TBC1D8: variants seen among roughly 807,000 people sequenced by gnomAD.
TBC1D8 encodes TBC1 domain family member 8.
A neutral mutation model predicts 118.8 loss-of-function variants in TBC1D8; 65 were observed. The observed-to-expected ratio is 0.55, with a 90% CI of 0.45 to 0.67. The LOEUF (loss-of-function observed/expected upper bound fraction) is 0.67. TBC1D8 is among the 30% of genes least tolerant of loss of function. The probability of loss-of-function intolerance (pLI) is 0.00; values close to 1 mark genes in which losing one functional copy is unlikely to be tolerated. For synonymous variants in TBC1D8, 566 were observed against 595.8 expected (o/e 0.95, Z 0.73); for missense variants, 1,376 against 1,471.2 (o/e 0.94, Z 1.06).
chr2:101,018,996 A>G, intron 17 of TBC1D8: 1 of 1,612,194 alleles, frequency 6.2e-7, no homozygotes, highest in East Asian at 2.2e-5. Context: ...TTTCTGTGCT[A>G]GTTTCTGTGC....
At chr2:101,130,761 A>G (rs1489344595) in intron 1 of TBC1D8, among the ~76,000 whole-genome samples, 1 of 152,202 alleles carries the variant, frequency 6.6e-6, no homozygotes, top group East Asian at 1.9e-4. Flanking sequence ...AGTTTTGTTC[A>G]CTGCTACATC....
chr2:101,066,810 T>C (rs540636740), intron 2 of TBC1D8, among the ~76,000 whole-genome samples: 2 of 152,170 alleles, frequency 1.3e-5, no homozygotes, highest in Middle Eastern at 3.4e-3. Context: ...CCAGATGTGG[T>C]GGCATGCACC....
chr2:101,056,600 T>C (rs1038779062), intron 3 of TBC1D8, among the ~76,000 whole-genome samples: 21 of 152,210 alleles, frequency 1.4e-4, no homozygotes, highest in African/African-American at 4.8e-4. Context: ...TAACAAGACA[T>C]TATACATTAA....
chr2:101,096,204 G>A (rs909111721), intron 1 of TBC1D8, among the ~76,000 whole-genome samples: 2 of 152,004 alleles, frequency 1.3e-5, no homozygotes, highest in Non-Finnish European at 1.5e-5. Flanking sequence ...GATCACAGGC[G>A]TGAGCCACAG....
chr2:101,088,168 G>A (rs1384349855), intron 2 of TBC1D8, among the ~76,000 whole-genome samples: 3 of 152,184 alleles, frequency 2.0e-5, no homozygotes, highest in Non-Finnish European at 4.4e-5. Context: ...GTCTTAGAAA[G>A]TTATCTGGGC....
At position 101,007,962 on chromosome 2, in the gene TBC1D8, A is replaced by G. The variant is rs1053486884; in HGVS notation, c.3327T>C (p.Thr1109=). 1 of 1,614,074 alleles carries G rather than the reference A, an allele frequency of 6.2e-7. No homozygotes were observed. ...SLEHILASLL[T]EQSLVNFFEK... ...CAAAAAAGTTGACTAATGACTGTTCAGTCAGAAGTGAAGCTAAAATATGTT... is the reference window on the plus strand; with the variant it reads ...CAAAAAAGTTGACTAATGACTGTTCGGTCAGAAGTGAAGCTAAAATATGTT... Residue 1109 remains threonine, a synonymous_variant, in exon 20 of 20, where the codon ACT becomes ACC. Coordinates refer to ENST00000409318, the MANE Select transcript of TBC1D8 (RefSeq NM_001330348.2).
intron 18 of TBC1D8, 103 bp from the exon 19 acceptor site, chr2:101,011,129 C>A: frequency 9.0e-7 from 1 of 1,106,396 alleles, no homozygotes. Context: ...AGGAATTCCA[C>A]TAAGCAAATT....
Position 101,090,260 on chromosome 2 carries a change from C to T in TBC1D8, c.232G>A (p.Ala78Thr). ...GATCCATTCAGTAACTCACCACATG[C>T]TATGGGAGAATAAACCTGGGAGCCG... is the stretch of plus-strand genomic sequence containing the variant. ...VPGSQVYSPI[A>T]CGELLNGSDV... The change falls in exon 2 of 20, where the codon GCA (alanine) becomes ACA (threonine). Residue 78 changes from alanine to threonine, a missense_variant. Coordinates refer to ENST00000409318, the MANE Select transcript of TBC1D8 (RefSeq NM_001330348.2). 6.2e-7 allele frequency: 1 copy of T among 1,613,976 alleles called. No homozygotes were observed. Among genetic ancestry groups the T allele is most frequent in the Non-Finnish European group, 8.5e-7 (1 of 1,179,898 alleles).
At chr2:101,139,542 T>C (rs1172286966) in intron 1 of TBC1D8, among the ~76,000 whole-genome samples, 1 of 152,140 alleles carries the variant, frequency 6.6e-6, no homozygotes, top group Non-Finnish European at 1.5e-5. Context: ...CCTCCTGGCT[T>C]CAGGGAAAAT....
intron 1 of TBC1D8, among the ~76,000 whole-genome samples, chr2:101,131,305 G>C (rs1678581212): frequency 6.6e-6 from 1 of 152,102 alleles, no homozygotes; most frequent in Non-Finnish European, 1.5e-5. Flanking sequence ...CTGAGGCCGG[G>C]AGTTTGTGAC....
At chr2:101,032,486 C>G (rs1344524336) in intron 10 of TBC1D8, 101 bp from the exon 11 acceptor site, 1 of 948,430 alleles carries the variant, frequency 1.1e-6, no homozygotes, top group Non-Finnish European at 1.6e-6. Flanking sequence ...GTAAAGATTT[C>G]ATAGGTGAGA....
intron 2 of TBC1D8, among the ~76,000 whole-genome samples, chr2:101,089,091 G>A (rs1285189941): frequency 6.6e-6 from 1 of 152,116 alleles, no homozygotes; most frequent in Non-Finnish European, 1.5e-5. Context: ...GCTCATGCCT[G>A]TAATCCCAGC....
intron 3 of TBC1D8, among the ~76,000 whole-genome samples, chr2:101,058,451 C>T (rs547379505): frequency 2.6e-5 from 4 of 152,190 alleles, no homozygotes; most frequent in South Asian, 4.1e-4. Flanking sequence ...CTGTATCATA[C>T]GCTAATGTGT....
chr2:101,012,339 C>T (rs990146923), intron 17 of TBC1D8, among the ~76,000 whole-genome samples: 3 of 152,132 alleles, frequency 2.0e-5, no homozygotes, highest in Non-Finnish European at 4.4e-5. Context: ...TCATGGCATA[C>T]CCATGCAATG....
chr2:101,062,455 C>T (rs1348650466), intron 2 of TBC1D8, among the ~76,000 whole-genome samples: 2 of 152,194 alleles, frequency 1.3e-5, no homozygotes, highest in African/African-American at 4.8e-5. Context: ...AGGGAGAAGA[C>T]TCACCTTTGT....
At position 101,035,943 on chromosome 2, in the gene TBC1D8, C is replaced by G. The variant is rs985327352; in HGVS notation, c.1603+75G>C. On this transcript the variant is annotated intron_variant, in intron 9 of 19. Coordinates refer to ENST00000409318, the MANE Select transcript of TBC1D8 (RefSeq NM_001330348.2). ...CATTTCATCTGCACATAAACACACGCGCTGCTCGGGTCCGGGCTGTTCCTG... is the reference window on the plus strand; with the variant it reads ...CATTTCATCTGCACATAAACACACGGGCTGCTCGGGTCCGGGCTGTTCCTG... 4 of 1,541,824 alleles carry G rather than the reference C, an allele frequency of 2.6e-6. No homozygotes were observed. In the East Asian group the frequency reaches 9.0e-5, roughly 35 times the overall value.
chr2:101,106,283 G>A (rs1558707877), intron 1 of TBC1D8, among the ~76,000 whole-genome samples: 1 of 152,166 alleles, frequency 6.6e-6, no homozygotes, highest in Non-Finnish European at 1.5e-5. Context: ...TATTGTGATT[G>A]TGGATGCATG....
chr2:101,021,870 C>G lies in TBC1D8; in HGVS notation c.2762-124G>C. On this transcript the variant is annotated intron_variant, in intron 16 of 19. Transcript: ENST00000409318. ...CCTGCCACCCCCAACTCTCCTGCCC[C>G]AGACACACACCATGGTAGCAATGAA... 6.0e-6 allele frequency: 4 copies of G among 666,784 alleles called. No homozygotes were observed. The South Asian group carries it at 7.4e-5, about 12-fold the overall frequency. 41.3% of individuals were successfully genotyped at this position (666,784 alleles called of 1,614,324 possible).
intron 5 of TBC1D8, among the ~76,000 whole-genome samples, chr2:101,042,321 G>A (rs1681435581): frequency 6.6e-6 from 1 of 151,976 alleles, no homozygotes; most frequent in Non-Finnish European, 1.5e-5. Context: ...TCTAGTAAGG[G>A]GGAAATTCCA....
Sources: allele counts gnomAD v4.1 joint callset (sites outside exome capture counted in the v4.1 genomes callset), GRCh38; gene constraint gnomAD v4.1.1; transcripts MANE v1.5; gene names NCBI Gene and HGNC (gene_info 2026-07-23, HGNC 2026-07-21).